Variants in PSD4 observed in about 807,000 individuals in gnomAD.
PSD4 encodes PH and SEC7 domain-containing protein 4.
A neutral mutation model predicts 112.5 loss-of-function variants in PSD4; 59 were observed. The ratio of observed to expected loss-of-function variants is 0.52; its 90% CI spans 0.43 to 0.65. PSD4 has a LOEUF of 0.65. PSD4 is among the 30% of genes least tolerant of loss of function. The probability of loss-of-function intolerance (pLI) is 0.00; values close to 1 mark genes in which losing one functional copy is unlikely to be tolerated. For missense variants in PSD4, 1,267 were observed against 1,352.6 expected, an observed-to-expected ratio of 0.94 and a Z score of 0.99; for synonymous variants, 533 against 540.0, an observed-to-expected ratio of 0.99 and a Z score of 0.18.
At chr2:113,193,460 G>A in intron 8 of PSD4, 90 bp downstream of exon 8, 3 of 1,486,484 alleles carry the variant, frequency 2.0e-6, no homozygotes, top group South Asian at 2.3e-5. Flanking sequence ...GTGAACTGGT[G>A]GGAGTGTGTT....
chr2:113,197,294 A>C (rs1179507511), intron 12 of PSD4: 3 of 505,752 alleles, frequency 5.9e-6, no homozygotes, highest in Non-Finnish European at 1.1e-5. Flanking sequence ...AGTTGGAGAG[A>C]AGATGATATG....
At chr2:113,197,289 G>A (rs541954422) in intron 12 of PSD4, 1 of 490,042 alleles carries the variant, frequency 2.0e-6, no homozygotes, top group Admixed American at 3.2e-5. Flanking sequence ...TTTGGAGTTG[G>A]AGAGAAGATG....
chr2:113,192,416 T>C lies in PSD4; in HGVS notation c.1665T>C (p.Leu555=), dbSNP rs369914846. The C allele has an allele frequency of 6.2e-7, 1 of 1,614,200 alleles. No homozygotes were observed. Among genetic ancestry groups the C allele is most frequent in the Non-Finnish European group, 8.5e-7 (1 of 1,180,032 alleles). Reference sequence around the variant, plus strand: ...GGACACCGATGAACTCTTCTTGGCTTCCTGGGAGCCCTATGCCCCAAGCAC... The same window carrying C: ...GGACACCGATGAACTCTTCTTGGCTCCCTGGGAGCCCTATGCCCCAAGCAC... ...NLRTPMNSSW[L]PGSPMPQAQS... Residue 555 remains leucine (L), a synonymous_variant, in exon 6 of 17, where the codon CTT becomes CTC. Transcript: ENST00000245796.
At chr2:113,193,508 C>G in intron 8 of PSD4, 84 bp from the exon 9 acceptor site, 1 of 1,516,246 alleles carries the variant, frequency 6.6e-7, no homozygotes, top group South Asian at 1.1e-5. Context: ...AGGGGTTATT[C>G]GGTTACCCCA....
chr2:113,201,454 G>T lies in PSD4; in HGVS notation c.*39G>T. ...TCAGAGACACTGTTCCCTGCTCCAG[G>T]GTAGACCTGAGATGAACCTCCCTGG... is the stretch of plus-strand genomic sequence containing the variant. On this transcript the variant is annotated 3_prime_UTR_variant, in exon 17 of 17. Coordinates refer to ENST00000245796, the MANE Select transcript of PSD4 (RefSeq NM_012455.3). The T allele has an allele frequency of 6.2e-7, 1 of 1,605,296 alleles. No homozygotes were observed. Among genetic ancestry groups the T allele is most frequent in the Non-Finnish European group, 8.5e-7 (1 of 1,176,018 alleles).
At position 113,183,491 on chromosome 2, in the gene PSD4, T is replaced by A; in HGVS notation, c.1035T>A (p.Pro345=). The change falls in exon 2 of 17, where the codon CCT becomes CCA. Residue 345 remains proline (P), a synonymous_variant. Coordinates refer to ENST00000245796, the MANE Select transcript of PSD4 (RefSeq NM_012455.3). ...VAAAEGAPAA[P]PGHGESEGDR... ...CCGCTGAGGGGGCTCCTGCAGCACC[T>A]CCTGGTCACGGGGAGAGTGAGGTAA... The A allele has an allele frequency of 6.3e-7, 1 of 1,584,936 alleles. No individual in the cohort carries two copies. The highest frequency in any genetic ancestry group is 8.6e-7 in the Non-Finnish European group (1 of 1,167,182).
In PSD4 at chr2:113,182,997, A is replaced by G. The variant is rs1688190778; in HGVS notation, c.541A>G (p.Lys181Glu). Residue 181 changes from lysine to glutamate, a missense_variant, in exon 2 of 17, where the codon AAG becomes GAG. Around this residue, in one of 2 missense-constraint regions of PSD4, gnomAD observed 723 missense variants for 704.0 expected, o/e 1.03. Transcript: ENST00000245796. ...GGAGCTGGAGAAGACGGAAGGGCTCAAGGCTGGGCTGAAATGCTGTCTCCC... is the reference window on the plus strand; with the variant it reads ...GGAGCTGGAGAAGACGGAAGGGCTCGAGGCTGGGCTGAAATGCTGTCTCCC... Reference protein sequence around the residue: ...EEELEKTEGLKAGLKCCLPTP... With the variant: ...EEELEKTEGLEAGLKCCLPTP... The G allele has an allele frequency of 6.2e-7, 1 of 1,614,128 alleles. No individual in the cohort carries two copies. The highest frequency in any genetic ancestry group is 8.5e-7 in the Non-Finnish European group (1 of 1,180,008).
Position 113,207,441 on chromosome 2 carries a change from CCT to C in PSD4, c.*6032_*6033del, listed in dbSNP as rs1688878708. Reference sequence around the variant, plus strand: ...ACATGAAACTCTGTAACTCTCCTCTCCTCTCTCCTCTTCTTTTTTTTTTTTTT... The same window carrying C: ...ACATGAAACTCTGTAACTCTCCTCTCCTCTCCTCTTCTTTTTTTTTTTTTT... On this transcript the variant is annotated 3_prime_UTR_variant, in exon 17 of 17. Transcript: ENST00000245796. 6.8e-6 allele frequency: 1 copy of C among 146,334 alleles called. No homozygotes were observed. The highest frequency in any genetic ancestry group is 1.5e-5 in the Non-Finnish European group (1 of 67,544). The allele number at this position is 146,334 out of a possible 1,614,324, so 9.1% of individuals were successfully genotyped here. A position where few individuals can be genotyped will look rare whatever the true frequency, so the allele number is the denominator to read the frequency against.
Position 113,204,645 on chromosome 2 carries a change from C to T in PSD4, c.*3230C>T, listed in dbSNP as rs538768749. On this transcript the variant is annotated 3_prime_UTR_variant, in exon 17 of 17. Coordinates refer to ENST00000245796, the MANE Select transcript of PSD4 (RefSeq NM_012455.3). ...TCCAGGGTCCTGGGCCTGCTGTGAC[C>T]CAGGTTGTTACTCCTGATATAACTG... 10 of 152,312 alleles carry T rather than the reference C, an allele frequency of 6.6e-5. No individual in the cohort carries two copies. The highest frequency in any genetic ancestry group is 2.2e-4 in the African/African-American group (9 of 41,550). The allele number at this position is 152,312 out of a possible 1,614,324, so 9.4% of individuals were successfully genotyped here.
rs375888897 is a variant in PSD4 at position 113,185,424 on chromosome 2, T to C, written c.1233T>C (p.Leu411=). ...RGGPFWPQVT[L]NSQDRDEREG... is the part of the protein sequence containing the mutation. ...GTCCTTTTTGGCCCCAGGTGACTCT[T>C]AACTCCCAGGACAGAGGTGAGCCCT... The change falls in exon 4 of 17, where the codon CTT becomes CTC. Residue 411 remains leucine, a synonymous_variant. Coordinates refer to ENST00000245796, the MANE Select transcript of PSD4 (RefSeq NM_012455.3). 1.9e-6 allele frequency: 3 copies of C among 1,614,174 alleles called. No individual in the cohort carries two copies. Among genetic ancestry groups the C allele is most frequent in the Non-Finnish European group, 2.5e-6 (3 of 1,180,020 alleles).
rs539543247 is a variant in PSD4, at chr2:113,193,778, G to C, written c.2092-81G>C. 2.2e-4 allele frequency: 349 copies of C among 1,566,448 alleles called. 1 individual carries two copies. In the African/African-American group the frequency reaches 4.1e-3, roughly 18 times the overall value. On this transcript the variant is annotated intron_variant, in intron 9 of 16. Coordinates refer to ENST00000245796, the MANE Select transcript of PSD4 (RefSeq NM_012455.3). Reference sequence around the variant, plus strand: ...GATGTGGGCCTGGGGAGCTGGAAAGGGTTCCATGGTTGCTGGCTGGGAGGT... The same window carrying C: ...GATGTGGGCCTGGGGAGCTGGAAAGCGTTCCATGGTTGCTGGCTGGGAGGT...
intron 2 of PSD4, 54 bp downstream of exon 2, chr2:113,183,566 G>C: frequency 6.9e-7 from 1 of 1,439,354 alleles, no homozygotes; most frequent in Non-Finnish European, 9.4e-7. Context: ...CAGAAGGGAG[G>C]GTCTTCCTCG....
rs1688588575 is a variant in PSD4 at position 113,195,724 on chromosome 2, C to T, written c.2182-3C>T. On this transcript the variant is annotated splice_polypyrimidine_tract_variant and splice_region_variant and intron_variant, in intron 10 of 16. Coordinates refer to ENST00000245796, the MANE Select transcript of PSD4 (RefSeq NM_012455.3). ...CCTGCCCACCTGTGTGCTTCTGTTC[C>T]AGGCCCTCTACTGGTCTATCCGCAG... 6.2e-7 allele frequency: 1 copy of T among 1,614,084 alleles called. No individual in the cohort carries two copies. The highest frequency in any genetic ancestry group is 1.7e-5 in the Admixed American group (1 of 60,002).
chr2:113,192,656 C>G (rs1282740583), intron 6 of PSD4, 67 bp downstream of exon 6: 2 of 1,527,392 alleles, frequency 1.3e-6, no homozygotes, highest in African/African-American at 1.4e-5. Flanking sequence ...CTGAAGGGCT[C>G]CCTCCACTGG....
Position 113,198,848 on chromosome 2 carries a change from G to T in PSD4, c.2733G>T (p.Arg911=), listed in dbSNP as rs773465112. Residue 911 remains arginine, a synonymous_variant, in exon 15 of 17, where the codon CGG becomes CGT. Transcript: ENST00000245796. The part of the protein sequence containing the change: ...AAVGSQRRFV[R]PILPVGPAQS... ...TGGGCTCCCAGCGCAGATTCGTGCG[G>T]CCCATCCTGCCCGTGGGCCCCGCCC... 26 of 1,597,198 alleles carry T rather than the reference G, an allele frequency of 1.6e-5. No homozygotes were observed. Among genetic ancestry groups the T allele is most frequent in the Non-Finnish European group, 2.2e-5 (26 of 1,178,182 alleles).
rs1336734646 is a variant in PSD4, at chr2:113,192,678, T to C, written c.1838+89T>C. The C allele has an allele frequency of 2.2e-6, 3 of 1,351,870 alleles. No homozygotes were observed. The African/African-American group carries it at 4.3e-5, about 20-fold the overall frequency. The allele number at this position is 1,351,870 out of a possible 1,614,324, so 83.7% of individuals were successfully genotyped here. On this transcript the variant is annotated intron_variant, in intron 6 of 16. Coordinates refer to ENST00000245796, the MANE Select transcript of PSD4 (RefSeq NM_012455.3). ...GCTCCCTCCACTGGCCACCCTCCCCTTCCCGTCCCTGCCCTGTTCCCTTCC... is the reference window on the plus strand; with the variant it reads ...GCTCCCTCCACTGGCCACCCTCCCCCTCCCGTCCCTGCCCTGTTCCCTTCC...
At chr2:113,188,693 G>A (rs979078793) in intron 5 of PSD4, among the ~76,000 whole-genome samples, 7 of 152,000 alleles carry the variant, frequency 4.6e-5, no homozygotes, top group African/African-American at 1.7e-4. Context: ...CCATTCTCCT[G>A]CCTCAGCCTC....
At position 113,201,967 on chromosome 2, in the gene PSD4, C is replaced by T. The variant is rs368910069; in HGVS notation, c.*552C>T. On this transcript the variant is annotated 3_prime_UTR_variant, in exon 17 of 17. Transcript: ENST00000245796. ...TCTTGAGAAATTCCTAACCAGCCTCCTGTGACCCAGGGAGCAGGGTCGCTA... is the reference window on the plus strand; with the variant it reads ...TCTTGAGAAATTCCTAACCAGCCTCTTGTGACCCAGGGAGCAGGGTCGCTA... 6.5e-6 allele frequency: 1 copy of T among 154,746 alleles called. No individual in the cohort carries two copies. The highest frequency in any genetic ancestry group is 1.4e-5 in the Non-Finnish European group (1 of 69,784). 9.6% of individuals were successfully genotyped at this position (154,746 alleles called of 1,614,324 possible).
Position 113,182,864 on chromosome 2 carries a change from G to C in PSD4, c.408G>C (p.Val136=), listed in dbSNP as rs569364767. 1.2e-6 allele frequency: 2 copies of C among 1,614,114 alleles called. No individual in the cohort carries two copies. The highest frequency in any genetic ancestry group is 2.7e-5 in the African/African-American group (2 of 75,060). ...RQNTASPGSP[V]NSHLPGSPKQ... is the part of the protein sequence containing the mutation. ...ACACAGCATCACCAGGGTCACCAGT[G>C]AACAGCCATCTACCGGGGAGCCCAA... The change falls in exon 2 of 17, where the codon GTG becomes GTC. Residue 136 remains valine, a synonymous_variant. Coordinates refer to ENST00000245796, the MANE Select transcript of PSD4 (RefSeq NM_012455.3).
Sources: gnomAD v4.1 joint callset for allele counts (sites outside exome capture counted in the v4.1 genomes callset) on GRCh38, gnomAD v4.1.1 for gene constraint, gnomAD v4.1.1 regional missense constraint, MANE v1.5 for transcripts, NCBI Gene and HGNC (gene_info 2026-07-23, HGNC 2026-07-21) for gene names.